GON4L: variants seen among roughly 807,000 people sequenced by gnomAD.
GON4L encodes gon-4 like.
A neutral mutation model predicts 211.8 loss-of-function variants in GON4L; 87 were observed. The ratio of observed to expected loss-of-function variants is 0.41; its 90% CI spans 0.35 to 0.49. GON4L has a LOEUF of 0.49. Among genes scored for constraint, GON4L ranks in the 20% least tolerant of loss-of-function variants. GON4L has a pLI of 0.15. For missense variants in GON4L, 2,155 were observed against 2,659.5 expected (o/e 0.81, Z 4.17); for synonymous variants, 875 against 962.6 (o/e 0.91, Z 1.68).
intron 10 of GON4L, among the ~76,000 whole-genome samples, chr1:155,809,055 G>A (rs987552105): frequency 3.3e-5 from 5 of 151,974 alleles, no homozygotes; most frequent in Non-Finnish European, 7.4e-5. Flanking sequence ...TAAGAATACA[G>A]GCATGCGCCA....
At position 155,785,653 on chromosome 1, in the gene GON4L, C is replaced by T. The variant is rs371731977; in HGVS notation, c.1748-279G>A. Among the ~76,000 whole-genome samples the T allele has an allele frequency of 8.5e-5, 13 of 152,182 alleles. No homozygotes were observed. The East Asian group carries it at 1.7e-3, about 20-fold the overall frequency. ...CACAGACGCATGCCACCATGCCTGG[C>T]TAATTTTTGTATATTTTGTAGAGAT... On this transcript the variant is annotated intron_variant, in intron 12 of 31. Coordinates refer to ENST00000368331, the MANE Select transcript of GON4L (RefSeq NM_001282860.2).
chr1:155,783,414 C>G (rs1470888315), intron 14 of GON4L, among the ~76,000 whole-genome samples: 2 of 152,156 alleles, frequency 1.3e-5, no homozygotes, highest in Non-Finnish European at 2.9e-5. Flanking sequence ...TGCTGCTACT[C>G]GCAATGGATA....
At chr1:155,835,461 A>G (rs1670210604) in intron 2 of GON4L, among the ~76,000 whole-genome samples, 1 of 149,052 alleles carries the variant, frequency 6.7e-6, no homozygotes, top group African/African-American at 2.5e-5. Flanking sequence ...AGAATGATCA[A>G]TTAAAAAAAA....
intron 12 of GON4L, among the ~76,000 whole-genome samples, chr1:155,789,576 G>C (rs947730483): frequency 6.6e-6 from 1 of 151,546 alleles, no homozygotes; most frequent in Non-Finnish European, 1.5e-5. Context: ...AAGAGTTCAA[G>C]ACCAACCCAT....
chr1:155,790,825 T>C (rs986985864), intron 12 of GON4L, among the ~76,000 whole-genome samples: 1 of 151,352 alleles, frequency 6.6e-6, no homozygotes, highest in Non-Finnish European at 1.5e-5. Flanking sequence ...GTGACTATAA[T>C]CCCAGCTACT....
intron 2 of GON4L, among the ~76,000 whole-genome samples, chr1:155,835,745 G>A (rs1278396748): frequency 1.3e-5 from 2 of 152,200 alleles, no homozygotes; most frequent in Non-Finnish European, 2.9e-5. Context: ...CTCTTACAGA[G>A]CAGCCATTTC....
At chr1:155,764,889 A>G in intron 21 of GON4L, 111 bp downstream of exon 21, 1 of 1,588,420 alleles carries the variant, frequency 6.3e-7, no homozygotes. Flanking sequence ...CAAATCAAAT[A>G]CAAATGATTT....
At chr1:155,825,051 T>A (rs1227139144) in intron 3 of GON4L, among the ~76,000 whole-genome samples, 2 of 150,608 alleles carry the variant, frequency 1.3e-5, no homozygotes, top group South Asian at 2.1e-4. Context: ...AGAGTCCGAG[T>A]TGCTGGGGAG....
chr1:155,789,131 A>C (rs188877525), intron 12 of GON4L, among the ~76,000 whole-genome samples: 4 of 150,632 alleles, frequency 2.7e-5, no homozygotes, highest in Admixed American at 2.0e-4. Context: ...CTCTGAAGGG[A>C]TGGTGTGGGG....
Position 155,853,769 on chromosome 1 carries a change from A to T in GON4L, c.12T>A (p.Cys4Ter), listed in dbSNP as rs748107045. The change falls in exon 2 of 32, where the codon TGT becomes TGA. Residue 4 changes from cysteine (C) to a stop codon, truncating the protein, a stop_gained. Coordinates refer to ENST00000368331, the MANE Select transcript of GON4L (RefSeq NM_001282860.2). LOFTEE classifies it high-confidence loss of function. ...CTGTCACTGTAGTTCTTCTCTTCTT[A>T]CAGGGCAACATTTTAAAAGTCCCAC... is the stretch of plus-strand genomic sequence containing the variant. MLP[C>*]KKRRTTVTES... The T allele has an allele frequency of 1.9e-6, 3 of 1,613,354 alleles. No individual in the cohort carries two copies. The African/African-American group carries it at 4.0e-5, about 22-fold the overall frequency.
At chr1:155,842,523 CAAAAAAAAA>C (rs71591917) in intron 2 of GON4L, among the ~76,000 whole-genome samples, 49 of 26,002 alleles carry the variant, frequency 1.9e-3, no homozygotes, top group African/African-American at 7.7e-3. Context: ...GACTCCATCT[CAAAAAAAAA>C]AAAAAAAAAA....
chr1:155,776,920 T>G (rs542882054), intron 15 of GON4L, among the ~76,000 whole-genome samples: 1 of 152,114 alleles, frequency 6.6e-6, no homozygotes, highest in Non-Finnish European at 1.5e-5. Context: ...GAAAGGAGTA[T>G]GAAAATAACA....
chr1:155,843,974 T>C (rs1211073840), intron 2 of GON4L, among the ~76,000 whole-genome samples: 1 of 152,246 alleles, frequency 6.6e-6, no homozygotes, highest in African/African-American at 2.4e-5. Context: ...CTTTCCATTT[T>C]GCTTATCAAA....
At position 155,765,132 on chromosome 1, in the gene GON4L, C is replaced by T. The variant is rs1662310672; in HGVS notation, c.4341G>A (p.Gly1447=). The stretch of plus-strand genomic sequence containing the variant: ...CATTCTTCTCTCCTCCAGTTTCTGG[C>T]CCAACTGGAGTCCCCACTGACTGAC... The part of the protein sequence containing the change: ...VDGQSVGTPV[G]PETGGEKNGP... The change falls in exon 21 of 32, where the codon GGG becomes GGA. Residue 1447 remains glycine, a synonymous_variant. Coordinates refer to ENST00000368331, the MANE Select transcript of GON4L (RefSeq NM_001282860.2). 6.2e-7 allele frequency: 1 copy of T among 1,614,092 alleles called. No individual in the cohort carries two copies. Among genetic ancestry groups the T allele is most frequent in the Non-Finnish European group, 8.5e-7 (1 of 1,179,956 alleles).
At chr1:155,756,892 G>T in intron 27 of GON4L, 66 bp downstream of exon 27, 2 of 1,231,794 alleles carry the variant, frequency 1.6e-6, no homozygotes, top group South Asian at 1.2e-5. Flanking sequence ...TTACGCCACT[G>T]CACTCTAGTT....
intron 11 of GON4L, among the ~76,000 whole-genome samples, chr1:155,798,147 C>A (rs1666263517): frequency 6.7e-6 from 1 of 149,068 alleles, no homozygotes; most frequent in African/African-American, 2.4e-5. Context: ...TATACAGACA[C>A]ACATTTAAAA....
Position 155,765,709 on chromosome 1 carries a change from G to A in GON4L, c.3764C>T (p.Ser1255Phe). 1 of 1,614,222 alleles carries A rather than the reference G, an allele frequency of 6.2e-7. No individual in the cohort carries two copies. Among genetic ancestry groups the A allele is most frequent in the Non-Finnish European group, 8.5e-7 (1 of 1,180,050 alleles). Residue 1255 changes from serine (S) to phenylalanine (F), a missense_variant, in exon 21 of 32, where the codon TCT becomes TTT. By Grantham distance (155) the Ser-to-Phe change is radical. Around this residue, in one of 6 missense-constraint regions of GON4L, gnomAD observed 615 missense variants for 625.7 expected, o/e 0.98. Transcript: ENST00000368331. ...CGGGAAAACAGTAGCAGAGAGAGGA[G>A]ATAGTTCCTGGGGCTCTAATTTGGG... Reference protein sequence around the residue: ...LEPKLEPQELSPLSATVFPKV... With the variant: ...LEPKLEPQELFPLSATVFPKV...
In GON4L at chr1:155,828,807, C is replaced by CAA. The variant is rs34551835; in HGVS notation, c.506-1781_506-1780dup. ...TGGGCGACAGAGAGAGACTCTGTCT[C>CAA]AAAAAAAAAAAAAAAAAAAAATGGT... On this transcript the variant is annotated intron_variant, in intron 2 of 31. Transcript: ENST00000368331. Among the ~76,000 whole-genome samples, 504 of 72,470 alleles carry CAA rather than the reference C, an allele frequency of 7.0e-3. 9 individuals are homozygous for CAA. Among genetic ancestry groups the CAA allele is most frequent in the East Asian group, 0.045 (139 of 3,076 alleles). The allele number at this position is 72,470 out of a possible 152,430, so 47.5% of individuals were successfully genotyped here.
chr1:155,773,292 T>A, intron 17 of GON4L, 82 bp from the exon 18 acceptor site: 2 of 1,529,328 alleles, frequency 1.3e-6, no homozygotes, highest in Non-Finnish European at 1.8e-6. Flanking sequence ...ATTTTTGCAT[T>A]TAGGTAGGAG....
Sources: gnomAD v4.1 joint callset for allele counts (sites outside exome capture counted in the v4.1 genomes callset) on GRCh38, gnomAD v4.1.1 for gene constraint, gnomAD v4.1.1 regional missense constraint, MANE v1.5 for transcripts, NCBI Gene and HGNC (gene_info 2026-07-23, HGNC 2026-07-21) for gene names.